EYA2: variants seen among roughly 807,000 people sequenced by gnomAD.
EYA2 encodes EYA transcriptional coactivator and phosphatase 2, also known as protein phosphatase EYA2.
In EYA2, 31 loss-of-function variants were observed where a neutral mutation model predicts 69.2. The ratio of observed to expected loss-of-function variants is 0.45; its 90% CI spans 0.34 to 0.60. EYA2 has a LOEUF of 0.60. EYA2 is among the 20% of genes least tolerant of loss of function. EYA2 has a pLI of 0.02. For missense variants in EYA2, 622 were observed against 701.2 expected, an observed-to-expected ratio of 0.89 and a Z score of 1.28; for synonymous variants, 257 against 279.4, an observed-to-expected ratio of 0.92 and a Z score of 0.80.
At chr20:47,001,577 GA>G in intron 3 of EYA2, 104 bp downstream of exon 3, 1 of 1,218,958 alleles carries the variant, frequency 8.2e-7, no homozygotes. Context: ...CCCTGGATAG[GA>G]ATCCCAGCCG....
intron 1 of EYA2, among the ~76,000 whole-genome samples, chr20:46,973,026 A>G (rs1980230666): frequency 6.6e-6 from 1 of 152,198 alleles, no homozygotes; most frequent in Non-Finnish European, 1.5e-5. Context: ...TTAATGGGGA[A>G]CTTTATAATG....
intron 5 of EYA2, among the ~76,000 whole-genome samples, chr20:47,036,960 C>G (rs1392142367): frequency 1.3e-5 from 2 of 152,034 alleles, no homozygotes; most frequent in Non-Finnish European, 2.9e-5. Flanking sequence ...AATAACTGAC[C>G]GAGACTGGGT....
rs1412636571 is a variant in EYA2, at chr20:47,156,059, T to C, written c.978+12911T>C. ...ATACACACACACACACACATATATA[T>C]ACATACACACACACACACATATATA... On this transcript the variant is annotated intron_variant, in intron 10 of 15. Transcript: ENST00000327619. 3.6e-3 allele frequency among the ~76,000 whole-genome samples: 278 copies of C among 77,280 alleles called. 3 individuals carry two copies. Among genetic ancestry groups the C allele is most frequent in the African/African-American group, 0.016 (217 of 13,414 alleles). 50.7% of individuals were successfully genotyped at this position (77,280 alleles called of 152,430 possible).
At chr20:47,106,564 A>G (rs2032585145) in intron 9 of EYA2, among the ~76,000 whole-genome samples, 1 of 151,998 alleles carries the variant, frequency 6.6e-6, no homozygotes, top group South Asian at 2.1e-4. Flanking sequence ...TCCTCTGTCC[A>G]CTTACGACAC....
At chr20:47,023,190 C>T (rs1983861004) in intron 5 of EYA2, among the ~76,000 whole-genome samples, 1 of 152,136 alleles carries the variant, frequency 6.6e-6, no homozygotes. Context: ...TCGTGGGAAC[C>T]CACCCAGAAC....
At chr20:46,918,711 A>G (rs1200084989) in intron 1 of EYA2, among the ~76,000 whole-genome samples, 1 of 152,174 alleles carries the variant, frequency 6.6e-6, no homozygotes, top group African/African-American at 2.4e-5. Flanking sequence ...GCTAATATTG[A>G]TATTTTTACC....
chr20:46,940,238 T>C (rs896802145), intron 1 of EYA2, among the ~76,000 whole-genome samples: 2 of 152,190 alleles, frequency 1.3e-5, no homozygotes, highest in Non-Finnish European at 1.5e-5. Context: ...CTGAGATGTA[T>C]TGAGCACTTA....
At chr20:47,142,275 G>T (rs1407134219) in intron 9 of EYA2, among the ~76,000 whole-genome samples, 2 of 152,234 alleles carry the variant, frequency 1.3e-5, no homozygotes, top group African/African-American at 4.8e-5. Context: ...GCAGGGAGAA[G>T]CACCTCAGGG....
rs201988441 is a variant in EYA2, at chr20:47,004,978, A to G, written c.192A>G (p.Thr64=). ...GTGTCCTCCCCCGCCAGCCTTCCACAGCCATGGCAGCCTACGGCCAGACGC... is the reference window on the plus strand; with the variant it reads ...GTGTCCTCCCCCGCCAGCCTTCCACGGCCATGGCAGCCTACGGCCAGACGC... ...CPRVLPRQPS[T]AMAAYGQTQY... is the part of the protein sequence containing the mutation. Residue 64 remains threonine (T), a synonymous_variant, in exon 4 of 16, where the codon ACA becomes ACG. Transcript: ENST00000327619. 2.4e-4 allele frequency: 384 copies of G among 1,614,108 alleles called. 1 individual carries two copies. The highest frequency in any genetic ancestry group is 1.3e-3 in the East Asian group (60 of 44,862).
rs571524233 is a variant in EYA2 at position 47,033,021 on chromosome 20, T to C, written c.415+16724T>C. Reference sequence around the variant, plus strand: ...GGCCTCGCCAGGTCTCGCCACACTTTGCATCTCTGCTACTCCAGCCCTAAA... The same window carrying C: ...GGCCTCGCCAGGTCTCGCCACACTTCGCATCTCTGCTACTCCAGCCCTAAA... On this transcript the variant is annotated intron_variant, in intron 5 of 15. Transcript: ENST00000327619. Among the ~76,000 whole-genome samples, 5 of 152,298 alleles carry C rather than the reference T, an allele frequency of 3.3e-5. No homozygotes were observed. In the South Asian group the frequency reaches 1.0e-3, roughly 32 times the overall value.
intron 1 of EYA2, among the ~76,000 whole-genome samples, chr20:46,898,981 A>G (rs1280129994): frequency 1.3e-5 from 2 of 152,194 alleles, no homozygotes; most frequent in Non-Finnish European, 2.9e-5. Context: ...TAATGATGAA[A>G]ATAGCTGCTG....
intron 9 of EYA2, among the ~76,000 whole-genome samples, chr20:47,134,833 A>G (rs2033422038): frequency 1.3e-5 from 2 of 152,184 alleles, no homozygotes; most frequent in Non-Finnish European, 2.9e-5. Context: ...TTTATTTACA[A>G]AAACAGACAA....
chr20:47,004,810 G>T, intron 3 of EYA2, 132 bp from the exon 4 acceptor site: 1 of 1,191,062 alleles, frequency 8.4e-7, no homozygotes, highest in Non-Finnish European at 1.2e-6. Context: ...AATGGGATTT[G>T]GTGAACATGT....
At chr20:47,178,803 A>G (rs113736967) in intron 12 of EYA2, among the ~76,000 whole-genome samples, 1,838 of 35,858 alleles carry the variant, frequency 0.051, 47 homozygotes, top group East Asian at 0.29. Context: ...GTGGGTGGGT[A>G]GATGGGTGGA....
intron 1 of EYA2, among the ~76,000 whole-genome samples, chr20:46,954,904 T>C (rs1373737963): frequency 6.6e-6 from 1 of 152,194 alleles, no homozygotes; most frequent in Non-Finnish European, 1.5e-5. Flanking sequence ...TCGAGGTTTT[T>C]CATGTGTGTC....
At chr20:47,122,492 G>T (rs1423257959) in intron 9 of EYA2, among the ~76,000 whole-genome samples, 6 of 151,662 alleles carry the variant, frequency 4.0e-5, no homozygotes, top group Admixed American at 3.9e-4. Context: ...TAGAGATGGG[G>T]TTTCACCGTG....
At chr20:47,069,397 G>C (rs1260850153) in intron 5 of EYA2, among the ~76,000 whole-genome samples, 5 of 152,170 alleles carry the variant, frequency 3.3e-5, no homozygotes, top group Non-Finnish European at 7.3e-5. Flanking sequence ...GCTGAGGCAG[G>C]AGAATCACTT....
At chr20:47,020,950 A>G (rs966566565) in intron 5 of EYA2, among the ~76,000 whole-genome samples, 2 of 152,236 alleles carry the variant, frequency 1.3e-5, no homozygotes, top group African/African-American at 4.8e-5. Flanking sequence ...TTAACCTCCA[A>G]ATACGGCTGC....
intron 1 of EYA2, among the ~76,000 whole-genome samples, chr20:46,904,431 A>G (rs1449244268): frequency 6.6e-6 from 1 of 152,182 alleles, no homozygotes; most frequent in East Asian, 1.9e-4. Flanking sequence ...AAAATATTCT[A>G]TTAAAGCCAG....
Sources: allele counts gnomAD v4.1 joint callset (sites outside exome capture counted in the v4.1 genomes callset), GRCh38; gene constraint gnomAD v4.1.1; transcripts MANE v1.5; gene names NCBI Gene and HGNC (gene_info 2026-07-23, HGNC 2026-07-21).